The following MAP3K5 variants were observed in gnomAD, a reference collection of about 807,000 sequenced individuals.
The protein encoded by MAP3K5 is ASK-1.
In MAP3K5, 56 loss-of-function variants were observed where a neutral mutation model predicts 158.7. That is an observed-to-expected ratio of 0.35 (90% CI 0.28 to 0.44). The LOEUF (loss-of-function observed/expected upper bound fraction) is 0.44, where lower values mean the gene tolerates loss of function less well. Ranked by LOEUF, MAP3K5 falls within the 20% of genes least tolerant of loss-of-function variation. MAP3K5 has a pLI of 1.00. For synonymous variants in MAP3K5, 579 were observed against 601.7 expected (o/e 0.96, Z 0.55); for missense variants, 1,294 against 1,674.8 (o/e 0.77, Z 3.97).
chr6:136,648,057 T>G (rs770723539), intron 11 of MAP3K5: 2 of 152,222 alleles, frequency 1.3e-5, no homozygotes, highest in Non-Finnish European at 2.9e-5. Context: ...GCTGGGGCAA[T>G]GACTTCTTTC....
chr6:136,776,305 G>A lies in MAP3K5; in HGVS notation c.448+15405C>T, dbSNP rs192948036. Among the ~76,000 whole-genome samples the A allele has an allele frequency of 4.3e-3, 658 of 152,176 alleles. 2 individuals are homozygous for A. Among genetic ancestry groups the A allele is most frequent in the African/African-American group, 0.015 (619 of 41,530 alleles). On this transcript the variant is annotated intron_variant, in intron 1 of 29. Transcript: ENST00000359015. ...GTCACCCAGGCTGGAGTGCAGTGGC[G>A]CAATTATGGCTCACTGCAGCCTCTG... is the stretch of plus-strand genomic sequence containing the variant.
intron 11 of MAP3K5, among the ~76,000 whole-genome samples, chr6:136,646,214 A>G (rs1778247922): frequency 1.3e-5 from 2 of 152,216 alleles, no homozygotes; most frequent in Admixed American, 6.5e-5. Flanking sequence ...ACTAAAAGTT[A>G]TAGGAAATAA....
At chr6:136,744,830 G>A (rs1301509328) in intron 1 of MAP3K5, among the ~76,000 whole-genome samples, 1 of 152,186 alleles carries the variant, frequency 6.6e-6, no homozygotes, top group African/African-American at 2.4e-5. Context: ...GGTCTGGGGT[G>A]TAGGGTGGCC....
At chr6:136,576,856 C>T (rs1774643599) in intron 25 of MAP3K5, among the ~76,000 whole-genome samples, 1 of 152,092 alleles carries the variant, frequency 6.6e-6, no homozygotes, top group Admixed American at 6.6e-5. Flanking sequence ...TATGTTCAGA[C>T]ACACAAACAC....
At chr6:136,632,351 T>C (rs1364329934) in intron 14 of MAP3K5, among the ~76,000 whole-genome samples, 1 of 152,028 alleles carries the variant, frequency 6.6e-6, no homozygotes, top group African/African-American at 2.4e-5. Context: ...TGAAACTCCA[T>C]ACTAAAAATA....
intron 1 of MAP3K5, among the ~76,000 whole-genome samples, chr6:136,756,742 C>G (rs1221975517): frequency 6.6e-6 from 1 of 152,194 alleles, no homozygotes; most frequent in Non-Finnish European, 1.5e-5. Flanking sequence ...ACAGTTTCCA[C>G]AAACTGATGG....
intron 1 of MAP3K5, among the ~76,000 whole-genome samples, chr6:136,732,461 CAAG>C (rs761530484): frequency 6.6e-6 from 1 of 151,876 alleles, no homozygotes; most frequent in Non-Finnish European, 1.5e-5. Context: ...AAAAAGAAAA[CAAG>C]GAGGGAAGTA....
At chr6:136,699,661 G>A (rs973557744) in intron 3 of MAP3K5, among the ~76,000 whole-genome samples, 8 of 152,192 alleles carry the variant, frequency 5.3e-5, no homozygotes, top group African/African-American at 1.9e-4. Context: ...GGATGAAAGT[G>A]GAAAGTGAGT....
chr6:136,757,315 T>C (rs1268917523), intron 1 of MAP3K5, among the ~76,000 whole-genome samples: 4 of 152,228 alleles, frequency 2.6e-5, no homozygotes, highest in Admixed American at 6.5e-5. Flanking sequence ...AATACAACTA[T>C]AACAGCATCT....
At chr6:136,611,584 AACCAACCGCC>A (rs1776348681) in intron 17 of MAP3K5, among the ~76,000 whole-genome samples, 197 bp from the exon 18 acceptor site, 1 of 152,258 alleles carries the variant, frequency 6.6e-6, no homozygotes, top group Non-Finnish European at 1.5e-5. Flanking sequence ...ATCAGTTTGA[AACCAACCGCC>A]TTTGCGAAAA....
chr6:136,666,281 T>G (rs988621160), intron 8 of MAP3K5, among the ~76,000 whole-genome samples: 2 of 152,212 alleles, frequency 1.3e-5, no homozygotes. Flanking sequence ...GCATGACAGT[T>G]AAGAATCATT....
chr6:136,763,958 G>A (rs565653933), intron 1 of MAP3K5, among the ~76,000 whole-genome samples: 1 of 152,282 alleles, frequency 6.6e-6, no homozygotes, highest in Non-Finnish European at 1.5e-5. Flanking sequence ...CAACAAGGAA[G>A]CTCTCACCAG....
chr6:136,639,128 T>A (rs1260263679), intron 13 of MAP3K5, among the ~76,000 whole-genome samples: 5 of 152,136 alleles, frequency 3.3e-5, no homozygotes, highest in African/African-American at 1.2e-4. Flanking sequence ...CCATGCATGT[T>A]TTTTTAAAGC....
Position 136,557,367 on chromosome 6 carries a change from G to C in MAP3K5, c.*391C>G, listed in dbSNP as rs1372274543. 1.2e-5 allele frequency: 2 copies of C among 172,656 alleles called. No individual in the cohort carries two copies. Among genetic ancestry groups the C allele is most frequent in the African/African-American group, 4.8e-5 (2 of 41,740 alleles). 10.7% of individuals were successfully genotyped at this position (172,656 alleles called of 1,614,324 possible). On this transcript the variant is annotated 3_prime_UTR_variant, in exon 30 of 30. Transcript: ENST00000359015. The stretch of plus-strand genomic sequence containing the variant: ...ACACACAGAAGCCTAAACAGTTATG[G>C]TCACATTTTGGTTTTGTTCCAGTGG...
intron 1 of MAP3K5, among the ~76,000 whole-genome samples, chr6:136,748,348 C>T (rs1783051392): frequency 6.6e-6 from 1 of 152,170 alleles, no homozygotes; most frequent in Non-Finnish European, 1.5e-5. Context: ...GAACACCAAG[C>T]ATGTAGGAGT....
At chr6:136,734,474 T>C (rs1782369722) in intron 1 of MAP3K5, among the ~76,000 whole-genome samples, 1 of 148,716 alleles carries the variant, frequency 6.7e-6, no homozygotes, top group African/African-American at 2.5e-5. Context: ...AGTTTGTTGG[T>C]AAAAATTTCT....
At chr6:136,565,804 C>A (rs1323454468) in intron 26 of MAP3K5, among the ~76,000 whole-genome samples, 2 of 152,148 alleles carry the variant, frequency 1.3e-5, no homozygotes, top group Admixed American at 1.3e-4. Context: ...ATGCATGAAG[C>A]AAACATCGTC....
chr6:136,686,110 T>C (rs573394587), intron 7 of MAP3K5, among the ~76,000 whole-genome samples: 2 of 152,306 alleles, frequency 1.3e-5, no homozygotes, highest in South Asian at 4.1e-4. Context: ...GACAAATGGA[T>C]ATAATGACAA....
intron 1 of MAP3K5, among the ~76,000 whole-genome samples, chr6:136,725,278 A>G (rs1009947663): frequency 6.6e-6 from 1 of 152,208 alleles, no homozygotes; most frequent in African/African-American, 2.4e-5. Context: ...GAAAATGCCA[A>G]GCTCTCCCAA....
Sources: allele counts gnomAD v4.1 joint callset (sites outside exome capture counted in the v4.1 genomes callset), GRCh38; gene constraint gnomAD v4.1.1; transcripts MANE v1.5; gene names NCBI Gene and HGNC (gene_info 2026-07-23, HGNC 2026-07-21).